ZBTB7C: variants seen among roughly 807,000 people sequenced by gnomAD.
ZBTB7C encodes the protein zinc finger and BTB domain-containing protein 7C.
ZBTB7C carries 8 observed loss-of-function variants against 25.7 expected under a neutral mutation model. The ratio of observed to expected loss-of-function variants is 0.31; its 90% confidence interval spans 0.18 to 0.56. The LOEUF is 0.56. Among genes scored for constraint, ZBTB7C ranks in the 20% least tolerant of loss-of-function variants. The probability of loss-of-function intolerance (pLI) is 0.91; values close to 1 mark genes in which losing one functional copy is unlikely to be tolerated. For synonymous variants in ZBTB7C, 394 were observed against 369.0 expected, an observed-to-expected ratio of 1.07 and a Z score of -0.78; for missense variants, 824 against 855.2, an observed-to-expected ratio of 0.96 and a Z score of 0.46.
At chr18:48,207,309 A>G (rs1186608591) in intron 2 of ZBTB7C, among the ~76,000 whole-genome samples, 3 of 152,220 alleles carry the variant, frequency 2.0e-5, no homozygotes, top group Non-Finnish European at 2.9e-5. Flanking sequence ...GTTCACTGTT[A>G]GGTATGTGCC....
At chr18:48,239,331 CA>C (rs1204337713) in intron 2 of ZBTB7C, among the ~76,000 whole-genome samples, 1 of 152,192 alleles carries the variant, frequency 6.6e-6, no homozygotes, top group Non-Finnish European at 1.5e-5. Flanking sequence ...AGACCTTAGG[CA>C]AGCTTGTATC....
chr18:48,381,496 G>C (rs931073511), intron 1 of ZBTB7C, among the ~76,000 whole-genome samples: 13 of 152,288 alleles, frequency 8.5e-5, no homozygotes, highest in Admixed American at 8.5e-4. Context: ...AAAACAAAGA[G>C]TAATTCAAGA....
chr18:48,232,490 C>A (rs2043281033), intron 2 of ZBTB7C, among the ~76,000 whole-genome samples: 1 of 151,934 alleles, frequency 6.6e-6, no homozygotes, highest in Non-Finnish European at 1.5e-5. Flanking sequence ...CCCTCTAGAC[C>A]AGCCCATCTG....
chr18:48,387,201 A>G (rs2047768285), intron 1 of ZBTB7C, among the ~76,000 whole-genome samples: 1 of 152,248 alleles, frequency 6.6e-6, no homozygotes, highest in Admixed American at 6.5e-5. Context: ...ATGAGACTAC[A>G]GAGGCAATCG....
intron 3 of ZBTB7C, among the ~76,000 whole-genome samples, chr18:48,103,052 T>A (rs1445575038): frequency 6.8e-6 from 1 of 146,146 alleles, no homozygotes; most frequent in Non-Finnish European, 1.5e-5. Context: ...ATATTATATA[T>A]ATATCTTGTA....
chr18:48,395,248 GGA>G (rs1045625680), intron 1 of ZBTB7C, among the ~76,000 whole-genome samples: 9 of 148,068 alleles, frequency 6.1e-5, no homozygotes, highest in South Asian at 2.2e-4. Flanking sequence ...TCTCGTTTAA[GGA>G]GAGAGAGAGA....
intron 2 of ZBTB7C, among the ~76,000 whole-genome samples, chr18:48,228,197 T>C (rs1044771109): frequency 5.3e-5 from 8 of 151,994 alleles, no homozygotes; most frequent in East Asian, 1.9e-4. Context: ...AGGCAATAAA[T>C]AGCAGTCCCA....
chr18:48,219,120 GCTGGGTAAAGCCTC>G (rs1229345666), intron 2 of ZBTB7C, among the ~76,000 whole-genome samples: 1 of 152,210 alleles, frequency 6.6e-6, no homozygotes, highest in African/African-American at 2.4e-5. Flanking sequence ...ACTGAGGAAT[GCTGGGTAAAGCCTC>G]CTGTTTTCTC....
At chr18:48,097,959 A>G (rs1363126463) in intron 3 of ZBTB7C, among the ~76,000 whole-genome samples, 2 of 152,056 alleles carry the variant, frequency 1.3e-5, no homozygotes, top group Non-Finnish European at 2.9e-5. Flanking sequence ...AGCAGGCATC[A>G]CTAATCAATG....
chr18:48,293,368 A>T (rs577515287), intron 2 of ZBTB7C, among the ~76,000 whole-genome samples: 1 of 152,276 alleles, frequency 6.6e-6, no homozygotes, highest in Non-Finnish European at 1.5e-5. Context: ...TCACCTCTCA[A>T]ATGCTCCATC....
intron 3 of ZBTB7C, among the ~76,000 whole-genome samples, chr18:48,121,930 T>A (rs903156788): frequency 6.6e-6 from 1 of 152,046 alleles, no homozygotes; most frequent in Non-Finnish European, 1.5e-5. Flanking sequence ...CAGAGACCCA[T>A]GGATGTGGAG....
At chr18:48,261,564 A>G (rs1306497871) in intron 2 of ZBTB7C, among the ~76,000 whole-genome samples, 1 of 152,174 alleles carries the variant, frequency 6.6e-6, no homozygotes, top group Non-Finnish European at 1.5e-5. Context: ...GCAAAATAAG[A>G]GTTCATCTGA....
intron 3 of ZBTB7C, among the ~76,000 whole-genome samples, chr18:48,093,130 T>C (rs992687074): frequency 6.6e-6 from 1 of 152,180 alleles, no homozygotes. Flanking sequence ...GGAGACTGTA[T>C]TAACAGAGCA....
At chr18:48,323,852 T>G (rs1042312187) in intron 2 of ZBTB7C, among the ~76,000 whole-genome samples, 1 of 152,116 alleles carries the variant, frequency 6.6e-6, no homozygotes, top group Non-Finnish European at 1.5e-5. Context: ...ACAACTGTGA[T>G]GCTATGGTCT....
intron 2 of ZBTB7C, among the ~76,000 whole-genome samples, chr18:48,285,086 T>G (rs559524033): frequency 1.3e-5 from 2 of 152,352 alleles, no homozygotes; most frequent in South Asian, 4.1e-4. Context: ...TATAAATGTA[T>G]GCCACAGAAG....
chr18:48,128,734 A>G (rs2039888693), intron 3 of ZBTB7C, among the ~76,000 whole-genome samples: 1 of 152,182 alleles, frequency 6.6e-6, no homozygotes. Flanking sequence ...GTGAGGGACA[A>G]AAAAAACTAC....
intron 3 of ZBTB7C, among the ~76,000 whole-genome samples, chr18:48,064,841 T>G (rs758618660): frequency 2.0e-5 from 3 of 152,066 alleles, no homozygotes; most frequent in Non-Finnish European, 4.4e-5. Flanking sequence ...AAGTGGACCC[T>G]AGAAGTTCTG....
chr18:48,108,912 G>A lies in ZBTB7C; in HGVS notation c.-16-67789C>T, dbSNP rs2039132175. Among the ~76,000 whole-genome samples, 5 of 152,218 alleles carry A rather than the reference G, an allele frequency of 3.3e-5. No individual in the cohort carries two copies. In the South Asian group the frequency reaches 1.0e-3, roughly 32 times the overall value. ...ATGGAATCTGTGCATTAGTAAAGTT[G>A]TTAAATGTCCTTGAAACTGTATGAA... On this transcript the variant is annotated intron_variant, in intron 3 of 4. Transcript: ENST00000590800.
chr18:48,177,776 G>A (rs908487095), intron 3 of ZBTB7C, among the ~76,000 whole-genome samples: 1 of 152,086 alleles, frequency 6.6e-6, no homozygotes, highest in Non-Finnish European at 1.5e-5. Flanking sequence ...CTGGGAGGCC[G>A]ACCACTGCAG....
Sources: gnomAD v4.1 joint callset for allele counts (sites outside exome capture counted in the v4.1 genomes callset) on GRCh38, gnomAD v4.1.1 for gene constraint, MANE v1.5 for transcripts, NCBI Gene and HGNC (gene_info 2026-07-23, HGNC 2026-07-21) for gene names.